The following ZNF341 variants were observed in gnomAD, a reference collection of about 807,000 sequenced individuals.
The protein encoded by ZNF341 is zinc finger protein 341.
Under a neutral mutation model 87.7 loss-of-function variants are expected in ZNF341, and 52 were observed. The observed-to-expected ratio is 0.59, with a 90% CI of 0.47 to 0.75. The LOEUF (loss-of-function observed/expected upper bound fraction) is 0.75, where lower values mean the gene tolerates loss of function less well. Ranked by LOEUF, ZNF341 falls within the 30% of genes least tolerant of loss-of-function variation. ZNF341 has a pLI of 0.00. For missense variants in ZNF341, 977 were observed against 1,145.9 expected, an observed-to-expected ratio of 0.85 and a Z score of 2.13; for synonymous variants, 459 against 472.7, an observed-to-expected ratio of 0.97 and a Z score of 0.38.
intron 12 of ZNF341, among the ~76,000 whole-genome samples, 199 bp downstream of exon 12, chr20:33,784,063 C>T (rs1404079029): frequency 7.8e-6 from 1 of 129,008 alleles, no homozygotes; most frequent in Non-Finnish European, 1.7e-5. Flanking sequence ...TCTCCCTCCT[C>T]CTCCCCATCT....
rs889949474 is a variant in ZNF341, at chr20:33,732,994, ATGAAGC to A, written c.31+950_31+955del. ...AAACTCGAAGTACTGGACTGGCGGG[ATGAAGC>A]TGAAGCTTTGAGTCCTGCAGCTTCC... On this transcript the variant is annotated intron_variant, in intron 1 of 14. Coordinates refer to ENST00000375200, the MANE Select transcript of ZNF341 (RefSeq NM_001282933.2). This position sits in a 1 kb window ranked among gnomAD's most constrained non-coding sequence, Gnocchi z 4.5. Among the ~76,000 whole-genome samples the A allele has an allele frequency of 2.0e-5, 3 of 152,168 alleles. No individual in the cohort carries two copies. Among genetic ancestry groups the A allele is most frequent in the African/African-American group, 7.2e-5 (3 of 41,422 alleles).
intron 9 of ZNF341, among the ~76,000 whole-genome samples, chr20:33,767,535 C>G (rs1473518705): frequency 6.6e-6 from 1 of 152,112 alleles, no homozygotes; most frequent in Non-Finnish European, 1.5e-5. Context: ...TCCCAAAGTG[C>G]TAGGATTATA....
intron 4 of ZNF341, among the ~76,000 whole-genome samples, chr20:33,751,559 T>TTTTGTTTG (rs145914417): frequency 6.6e-6 from 1 of 151,544 alleles, no homozygotes; most frequent in African/African-American, 2.4e-5. Context: ...AAAGCCAGGG[T>TTTTGTTTG]TTTGTTTGTT....
intron 11 of ZNF341, among the ~76,000 whole-genome samples, chr20:33,782,721 T>C (rs2019769225): frequency 1.3e-5 from 2 of 152,212 alleles, no homozygotes; most frequent in Admixed American, 1.3e-4. Flanking sequence ...ATGGGGCTAA[T>C]AAGCAGTGGG....
chr20:33,770,181 G>T lies in ZNF341; in HGVS notation c.1511G>T (p.Arg504Leu). 6.2e-7 allele frequency: 1 copy of T among 1,614,118 alleles called. No homozygotes were observed. Residue 504 changes from arginine (R) to leucine (L), a missense_variant, in exon 10 of 15, where the codon CGC becomes CTC. Physicochemically the swap from Arg to Leu is moderately radical, Grantham distance 102. Transcript: ENST00000375200. Reference protein sequence around the residue: ...IKSHQEELSYRCHLCGKDFPS... With the variant: ...IKSHQEELSYLCHLCGKDFPS... ...AGCCACCAGGAGGAGCTGAGCTACC[G>T]CTGCCACCTCTGCGGCAAGGACTTC...
At chr20:33,768,146 G>A (rs966627727) in intron 9 of ZNF341, among the ~76,000 whole-genome samples, 19 of 151,614 alleles carry the variant, frequency 1.3e-4, no homozygotes, top group African/African-American at 4.4e-4. Context: ...TCCCCCCGAG[G>A]CAGTCTCACT....
chr20:33,783,607 GC>G, intron 11 of ZNF341, 124 bp from the exon 12 acceptor site: 2 of 1,357,048 alleles, frequency 1.5e-6, no homozygotes, highest in South Asian at 2.4e-5. Flanking sequence ...CTGGGTCCTG[GC>G]CCCTGATAGC....
In ZNF341 at chr20:33,791,496, C is replaced by G; in HGVS notation, c.2544C>G (p.Val848=). ...CATGTGCCATGCTCGCTGTGCCCGT[C>G]TACATCCAGGCCTCCGAGTGACGGA... The part of the protein sequence containing the change: ...EGPCAMLAVP[V]YIQASE Residue 848 remains valine, a synonymous_variant, in exon 15 of 15, where the codon GTC becomes GTG. Transcript: ENST00000375200. The G allele has an allele frequency of 6.4e-7, 1 of 1,573,024 alleles. No homozygotes were observed. Among genetic ancestry groups the G allele is most frequent in the Non-Finnish European group, 8.6e-7 (1 of 1,162,176 alleles).
At chr20:33,777,634 CAAA>C (rs1234459219) in intron 10 of ZNF341, among the ~76,000 whole-genome samples, 6 of 82,512 alleles carry the variant, frequency 7.3e-5, no homozygotes, top group African/African-American at 8.8e-5. Context: ...ACTCTTGTCT[CAAA>C]AAAAAAAAAA....
chr20:33,745,580 A>C (rs2018901692), intron 3 of ZNF341, among the ~76,000 whole-genome samples: 1 of 152,140 alleles, frequency 6.6e-6, no homozygotes, highest in African/African-American at 2.4e-5. Flanking sequence ...TAGCAGGTAA[A>C]AGGTTTTGTA....
chr20:33,776,010 G>A (rs1311544948), intron 10 of ZNF341, among the ~76,000 whole-genome samples: 1 of 151,832 alleles, frequency 6.6e-6, no homozygotes, highest in Non-Finnish European at 1.5e-5. Context: ...TTCAATATAT[G>A]TGTTTTAAAG....
At chr20:33,773,926 C>T (rs2019575444) in intron 10 of ZNF341, among the ~76,000 whole-genome samples, 1 of 152,036 alleles carries the variant, frequency 6.6e-6, no homozygotes, top group African/African-American at 2.4e-5. Context: ...CCCCAAACCT[C>T]TCAAATGACT....
intron 10 of ZNF341, among the ~76,000 whole-genome samples, chr20:33,770,998 T>A (rs1352609530): frequency 1.3e-5 from 2 of 151,752 alleles, no homozygotes; most frequent in Non-Finnish European, 2.9e-5. Flanking sequence ...GGTGGGCGCC[T>A]GTAGTCCCAG....
At chr20:33,733,835 A>G (rs2018628434) in intron 1 of ZNF341, among the ~76,000 whole-genome samples, 1 of 152,198 alleles carries the variant, frequency 6.6e-6, no homozygotes, top group African/African-American at 2.4e-5. Flanking sequence ...AAAACAAGCA[A>G]TTATAGAAAT....
At position 33,783,859 on chromosome 20, in the gene ZNF341, A is replaced by T; in HGVS notation, c.1847A>T (p.His616Leu). The change falls in exon 12 of 15, where the codon CAC becomes CTC. Residue 616 changes from histidine (H) to leucine (L), a missense_variant. This residue lies in a region of ZNF341 where 241 missense variants were observed against 335.0 expected (regional missense o/e 0.72). Transcript: ENST00000375200. ...EHYLKLHAHI[H>L]SGEKPYKCSV... ...TATCTCAAACTGCATGCTCACATCCACTCGGGTAGGTACCCTGCCCCTGAG... is the reference window on the plus strand; with the variant it reads ...TATCTCAAACTGCATGCTCACATCCTCTCGGGTAGGTACCCTGCCCCTGAG... The T allele has an allele frequency of 6.2e-7, 1 of 1,612,090 alleles. No homozygotes were observed. The highest frequency in any genetic ancestry group is 8.5e-7 in the Non-Finnish European group (1 of 1,179,284).
rs57345366 is a variant in ZNF341 at position 33,772,010 on chromosome 20, T to TAAAAAAAAAAAA, written c.1622+1732_1622+1743dup. Among the ~76,000 whole-genome samples, 110 of 56,156 alleles carry TAAAAAAAAAAAA rather than the reference T, an allele frequency of 2.0e-3. 14 individuals are homozygous for TAAAAAAAAAAAA. The highest frequency in any genetic ancestry group is 0.01 in the Middle Eastern group (1 of 96). The allele number at this position is 56,156 out of a possible 152,430, so 36.8% of individuals were successfully genotyped here. A position where few individuals can be genotyped will look rare whatever the true frequency, so the allele number is the denominator to read the frequency against. ...GCCTGAGCGACAGAGACGCTTGTCT[T>TAAAAAAAAAAAA]AAAAAAAAAAAAAAAAAAAAAAAAA... On this transcript the variant is annotated intron_variant, in intron 10 of 14. Transcript: ENST00000375200.
At chr20:33,770,319 TG>T (rs2019504392) in intron 10 of ZNF341, 27 bp downstream of exon 10, 8 of 389,136 alleles carry the variant, frequency 2.1e-5, no homozygotes, top group Non-Finnish European at 3.7e-5. Flanking sequence ...TCCCTCTCCC[TG>T]GGTGGACGGG....
intron 1 of ZNF341, among the ~76,000 whole-genome samples, chr20:33,740,618 C>T (rs1316560077): frequency 6.6e-6 from 1 of 152,192 alleles, no homozygotes; most frequent in Non-Finnish European, 1.5e-5. Context: ...AGTCCTCCCG[C>T]CTCAGCCTCC....
At chr20:33,790,568 A>T (rs1175841876) in intron 14 of ZNF341, among the ~76,000 whole-genome samples, 2 of 152,236 alleles carry the variant, frequency 1.3e-5, no homozygotes, top group Non-Finnish European at 2.9e-5. Flanking sequence ...GAAAGGAGTC[A>T]GTCACTAAAG....
Sources: allele counts gnomAD v4.1 joint callset (sites outside exome capture counted in the v4.1 genomes callset), GRCh38; gene constraint gnomAD v4.1.1; regional missense constraint gnomAD v4.1.1; non-coding constraint Gnocchi (gnomAD v3.1); transcripts MANE v1.5; gene names NCBI Gene and HGNC (gene_info 2026-07-23, HGNC 2026-07-21).